The following FBXL7 variants were observed in gnomAD, a reference collection of about 807,000 sequenced individuals.
FBXL7 encodes the protein F-box/LRR-repeat protein 7.
A neutral mutation model predicts 38.3 loss-of-function variants in FBXL7; 12 were observed. The observed-to-expected ratio is 0.31, with a 90% CI of 0.20 to 0.51. FBXL7 has a LOEUF of 0.51. FBXL7 is among the 20% of genes least tolerant of loss of function. The pLI is 0.98. For missense variants in FBXL7, 567 were observed against 676.4 expected (o/e 0.84, Z 1.79); for synonymous variants, 297 against 300.9 (o/e 0.99, Z 0.13).
rs1352849350 is a variant in FBXL7 at position 15,714,930 on chromosome 5, T to C, written c.127+98858T>C. Among the ~76,000 whole-genome samples, 4 of 142,622 alleles carry C rather than the reference T, an allele frequency of 2.8e-5. No individual in the cohort carries two copies. The East Asian group carries it at 6.2e-4, about 22-fold the overall frequency. The allele number at this position is 142,622 out of a possible 152,430, so 93.6% of individuals were successfully genotyped here. A position where few individuals can be genotyped will look rare whatever the true frequency, so the allele number is the denominator to read the frequency against. ...ATGACAGAAGTAGAGAGATTGGAGG[T>C]GCTGGCTTTGAAGATGGAACAGGGG... is the stretch of plus-strand genomic sequence containing the variant. On this transcript the variant is annotated intron_variant, in intron 2 of 3. Transcript: ENST00000504595.
At chr5:15,616,185 G>C in intron 2 of FBXL7, 113 bp downstream of exon 2, 1 of 616,270 alleles carries the variant, frequency 1.6e-6, no homozygotes, top group Non-Finnish European at 2.7e-6. Flanking sequence ...GAGCATATGA[G>C]ATCTTAAAAA....
intron 1 of FBXL7, among the ~76,000 whole-genome samples, chr5:15,549,339 G>C (rs1050106652): frequency 2.0e-5 from 3 of 152,174 alleles, no homozygotes; most frequent in Admixed American, 2.0e-4. Context: ...GAGAAGTGAA[G>C]TCAGAAGCTG....
At chr5:15,923,776 A>G (rs1741808721) in intron 2 of FBXL7, among the ~76,000 whole-genome samples, 1 of 152,164 alleles carries the variant, frequency 6.6e-6, no homozygotes, top group South Asian at 2.1e-4. Context: ...CTTCTGGTAA[A>G]AGAGACATCC....
chr5:15,872,350 T>C (rs1200733826), intron 2 of FBXL7, among the ~76,000 whole-genome samples: 1 of 152,106 alleles, frequency 6.6e-6, no homozygotes, highest in African/African-American at 2.4e-5. Flanking sequence ...ATCAACACTA[T>C]GAAGAAGCTG....
intron 2 of FBXL7, among the ~76,000 whole-genome samples, chr5:15,795,736 A>G (rs927647904): frequency 6.6e-6 from 1 of 152,170 alleles, no homozygotes; most frequent in Non-Finnish European, 1.5e-5. Flanking sequence ...GTGGGACAAA[A>G]TAGGGGAGAA....
At chr5:15,863,932 T>TTCTAGAG (rs1392008212) in intron 2 of FBXL7, among the ~76,000 whole-genome samples, 1 of 152,138 alleles carries the variant, frequency 6.6e-6, no homozygotes, top group Non-Finnish European at 1.5e-5. Context: ...TGTAAATCAA[T>TTCTAGAG]TCTAGAGTTG....
intron 2 of FBXL7, among the ~76,000 whole-genome samples, chr5:15,905,703 T>G (rs1350792607): frequency 6.6e-6 from 1 of 152,180 alleles, no homozygotes; most frequent in Non-Finnish European, 1.5e-5. Flanking sequence ...TATTTTCAGT[T>G]CAGTTCTAAA....
intron 1 of FBXL7, among the ~76,000 whole-genome samples, chr5:15,555,537 C>T (rs1043988013): frequency 2.0e-5 from 3 of 152,126 alleles, no homozygotes; most frequent in African/African-American, 4.8e-5. Context: ...GGTGTATGTC[C>T]CTCCATGATT....
intron 2 of FBXL7, among the ~76,000 whole-genome samples, chr5:15,843,019 G>A (rs1223320316): frequency 6.6e-6 from 1 of 152,034 alleles, no homozygotes; most frequent in East Asian, 1.9e-4. Flanking sequence ...CAAATACGAG[G>A]TTGTATACAA....
intron 1 of FBXL7, among the ~76,000 whole-genome samples, chr5:15,601,558 C>G (rs1408103669): frequency 1.3e-5 from 2 of 152,084 alleles, no homozygotes; most frequent in Non-Finnish European, 2.9e-5. Flanking sequence ...TGCCCTGGTA[C>G]CTTTAGTGAC....
intron 2 of FBXL7, among the ~76,000 whole-genome samples, chr5:15,924,776 G>A (rs1741838972): frequency 6.6e-6 from 1 of 151,900 alleles, no homozygotes; most frequent in African/African-American, 2.4e-5. Flanking sequence ...ATAGAGGTGT[G>A]CCACCACACC....
intron 2 of FBXL7, among the ~76,000 whole-genome samples, chr5:15,836,362 G>T (rs570308556): frequency 6.6e-6 from 1 of 152,252 alleles, no homozygotes; most frequent in Non-Finnish European, 1.5e-5. Context: ...ATAGTATTTT[G>T]AAAGGTGATG....
intron 1 of FBXL7, among the ~76,000 whole-genome samples, chr5:15,570,161 A>G (rs1738726429): frequency 6.6e-6 from 1 of 152,194 alleles, no homozygotes; most frequent in South Asian, 2.1e-4. Flanking sequence ...TTTCAGAAGG[A>G]ATGGTACCAG....
chr5:15,797,447 T>C (rs964238624), intron 2 of FBXL7, among the ~76,000 whole-genome samples: 1 of 152,228 alleles, frequency 6.6e-6, no homozygotes, highest in East Asian at 1.9e-4. Flanking sequence ...AGGAAGAAGG[T>C]ACTGCTTTCT....
At chr5:15,792,049 A>G (rs1737291489) in intron 2 of FBXL7, among the ~76,000 whole-genome samples, 1 of 152,172 alleles carries the variant, frequency 6.6e-6, no homozygotes, top group Non-Finnish European at 1.5e-5. Context: ...TCACTGTGTC[A>G]TCTTGGAGCT....
At chr5:15,934,125 C>T (rs933949267) in intron 3 of FBXL7, among the ~76,000 whole-genome samples, 2 of 152,116 alleles carry the variant, frequency 1.3e-5, no homozygotes, top group African/African-American at 4.8e-5. Context: ...GTGCCTCAGC[C>T]TCCCAAATAG....
At chr5:15,667,590 A>T (rs1742326542) in intron 2 of FBXL7, among the ~76,000 whole-genome samples, 1 of 152,058 alleles carries the variant, frequency 6.6e-6, no homozygotes, top group South Asian at 2.1e-4. Flanking sequence ...GGGCCAGTTC[A>T]TTTTCTTTTG....
At position 15,928,381 on chromosome 5, in the gene FBXL7, A is replaced by G. The variant is rs1324560509; in HGVS notation, c.619A>G (p.Ile207Val). The change falls in exon 3 of 4, where the codon ATC becomes GTC. Residue 207 changes from isoleucine (I) to valine (V), a missense_variant. Transcript: ENST00000504595. This position sits in a 1 kb window ranked among gnomAD's most constrained non-coding sequence, Gnocchi z 4.0. ...GCTCACAGACCGAGGGCTGTACACC[A>G]TCGCCCAGTGCTGCCCCGAACTGAG... ...RRLTDRGLYT[I>V]AQCCPELRRL... 1.2e-6 allele frequency: 2 copies of G among 1,613,902 alleles called. No homozygotes were observed. The highest frequency in any genetic ancestry group is 2.2e-5 in the East Asian group (1 of 44,896).
intron 2 of FBXL7, among the ~76,000 whole-genome samples, chr5:15,634,526 G>C (rs1741118625): frequency 6.6e-6 from 1 of 151,374 alleles, no homozygotes; most frequent in Non-Finnish European, 1.5e-5. Context: ...TTTACCCTAG[G>C]GCCAGGCTGG....
Sources: gnomAD v4.1 joint callset for allele counts (sites outside exome capture counted in the v4.1 genomes callset) on GRCh38, gnomAD v4.1.1 for gene constraint, Gnocchi (gnomAD v3.1) non-coding constraint, MANE v1.5 for transcripts, NCBI Gene and HGNC (gene_info 2026-07-23, HGNC 2026-07-21) for gene names.